STYK1: variants seen among roughly 807,000 people sequenced by gnomAD.
The protein encoded by STYK1 is STY kinase 1, also known as tyrosine-protein kinase STYK1.
In STYK1, 46 loss-of-function variants were observed where a neutral mutation model predicts 48.1. That is an observed-to-expected ratio of 0.96 (90% CI 0.75 to 1.22). The LOEUF is 1.22. Among genes scored for constraint, STYK1 ranks in the 50% most tolerant of loss-of-function variants. STYK1 has a pLI of 0.00. For missense variants in STYK1, 527 were observed against 521.1 expected (o/e 1.01, Z -0.11); for synonymous variants, 188 against 189.0 (o/e 0.99, Z 0.04).
intron 1 of STYK1, among the ~76,000 whole-genome samples, chr12:10,638,589 C>G (rs1423468780): frequency 1.3e-5 from 2 of 152,174 alleles, no homozygotes; most frequent in Non-Finnish European, 2.9e-5. Context: ...ATTTAGGCAT[C>G]TATTTTAATT....
rs560029205 is a variant in STYK1, at chr12:10,645,606, A to G, written c.-194-8410T>C. Among the ~76,000 whole-genome samples, 10 of 152,346 alleles carry G rather than the reference A, an allele frequency of 6.6e-5. No homozygotes were observed. The South Asian group carries it at 2.1e-3, about 32-fold the overall frequency. ...ACATAAGTATCCCAGAAAAAGAGAC[A>G]CATATTTAGGACTTTAATATAAAGA... On this transcript the variant is annotated intron_variant, in intron 1 of 10. Coordinates refer to ENST00000075503, the MANE Select transcript of STYK1 (RefSeq NM_018423.3).
At chr12:10,652,158 G>T (rs1249502584) in intron 1 of STYK1, among the ~76,000 whole-genome samples, 1 of 152,110 alleles carries the variant, frequency 6.6e-6, no homozygotes, top group Non-Finnish European at 1.5e-5. Flanking sequence ...TTAAACTCTT[G>T]TTATCTCCTT....
chr12:10,626,867 C>T (rs1465141365), intron 7 of STYK1, among the ~76,000 whole-genome samples: 1 of 151,954 alleles, frequency 6.6e-6, no homozygotes, highest in Non-Finnish European at 1.5e-5. Flanking sequence ...ATTAGCCGGG[C>T]GTGGTGGTGG....
intron 1 of STYK1, among the ~76,000 whole-genome samples, chr12:10,660,870 C>T (rs1947769623): frequency 6.6e-6 from 1 of 152,110 alleles, no homozygotes; most frequent in South Asian, 2.1e-4. Context: ...CCATCCCTTT[C>T]CCTGAAAACT....
In STYK1 at chr12:10,627,635, T is replaced by A. The variant is rs760807351; in HGVS notation, c.717+6A>T. 19 of 1,611,902 alleles carry A rather than the reference T, an allele frequency of 1.2e-5. No homozygotes were observed. In the South Asian group the frequency reaches 2.0e-4, roughly 17 times the overall value. On this transcript the variant is annotated splice_donor_region_variant and intron_variant, in intron 7 of 10. Coordinates refer to ENST00000075503, the MANE Select transcript of STYK1 (RefSeq NM_018423.3). ...CACCATCAGTTGTCATGTTGCCTCA[T>A]CTTACCAGCGCCAAAAGGACCTGCT...
intron 2 of STYK1, among the ~76,000 whole-genome samples, chr12:10,636,248 C>T (rs553634064): frequency 6.6e-6 from 1 of 152,308 alleles, no homozygotes; most frequent in South Asian, 2.1e-4. Flanking sequence ...CTTCCTGGAG[C>T]ACCATGAACT....
intron 1 of STYK1, among the ~76,000 whole-genome samples, chr12:10,668,890 C>T (rs956120787): frequency 3.3e-5 from 5 of 152,150 alleles, no homozygotes; most frequent in African/African-American, 1.2e-4. Context: ...TTAGGTCCCT[C>T]ATTAGCCCAG....
Position 10,631,035 on chromosome 12 carries a change from C to T in STYK1, c.451+10G>A. 2 of 1,611,506 alleles carry T rather than the reference C, an allele frequency of 1.2e-6. No homozygotes were observed. The highest frequency in any genetic ancestry group is 1.7e-6 in the Non-Finnish European group (2 of 1,178,264). On this transcript the variant is annotated intron_variant, in intron 5 of 10. Transcript: ENST00000075503. ...TAGGGGAAGGGGGAGTCAAACACTT[C>T]TTGTTTTACCTTTTAAAGCCTTGAG...
chr12:10,619,003 G>T lies in STYK1; in HGVS notation c.*1141C>A, dbSNP rs993916546. 1 of 152,206 alleles carries T rather than the reference G, an allele frequency of 6.6e-6. No homozygotes were observed. Among genetic ancestry groups the T allele is most frequent in the Non-Finnish European group, 1.5e-5 (1 of 68,006 alleles). The allele number at this position is 152,206 out of a possible 1,614,324, so 9.4% of individuals were successfully genotyped here. ...TAGTGTACAAATACATACTCAAAACGTATCAATCCTCAGAACAACCTTGTG... is the reference window on the plus strand; with the variant it reads ...TAGTGTACAAATACATACTCAAAACTTATCAATCCTCAGAACAACCTTGTG... On this transcript the variant is annotated 3_prime_UTR_variant, in exon 11 of 11. Coordinates refer to ENST00000075503, the MANE Select transcript of STYK1 (RefSeq NM_018423.3).
chr12:10,630,215 A>T (rs372569090), intron 5 of STYK1, among the ~76,000 whole-genome samples: 18 of 129,892 alleles, frequency 1.4e-4, no homozygotes, highest in Admixed American at 1.3e-3. Flanking sequence ...GTGAAACCCC[A>T]TTTCTACTAA....
chr12:10,666,405 C>T (rs1355962581), intron 1 of STYK1, among the ~76,000 whole-genome samples: 1 of 152,186 alleles, frequency 6.6e-6, no homozygotes, highest in Non-Finnish European at 1.5e-5. Flanking sequence ...ATAATACTGT[C>T]TCCTAAAGTT....
intron 10 of STYK1, among the ~76,000 whole-genome samples, 169 bp from the exon 11 acceptor site, chr12:10,620,517 T>C (rs1865890761): frequency 1.3e-5 from 2 of 152,234 alleles, no homozygotes. Flanking sequence ...TCAATCTTTT[T>C]ATATCAAGTC....
At chr12:10,637,262 T>A (rs887880572) in intron 1 of STYK1, 66 bp from the exon 2 acceptor site, 1 of 152,082 alleles carries the variant, frequency 6.6e-6, no homozygotes, top group African/African-American at 2.4e-5. Context: ...TCCATATGTG[T>A]ATACAATAAA....
intron 1 of STYK1, among the ~76,000 whole-genome samples, chr12:10,649,509 T>C (rs1947636679): frequency 6.6e-6 from 1 of 152,152 alleles, no homozygotes; most frequent in Non-Finnish European, 1.5e-5. Flanking sequence ...ACAATGAAAT[T>C]GACTGGGAAA....
chr12:10,651,453 A>G (rs1297661164), intron 1 of STYK1, among the ~76,000 whole-genome samples: 1 of 152,182 alleles, frequency 6.6e-6, no homozygotes, highest in East Asian at 1.9e-4. Flanking sequence ...CTCATCTGTA[A>G]ATTGGGTTTG....
At position 10,658,080 on chromosome 12, in the gene STYK1, T is replaced by C. The variant is rs549544155; in HGVS notation, c.-195+15886A>G. On this transcript the variant is annotated intron_variant, in intron 1 of 10. Transcript: ENST00000075503. ...AATTAATCTTGTGAAGGAAATTCTG[T>C]GTGAACATATCGGCTAAAGTTAAAG... is the stretch of plus-strand genomic sequence containing the variant. 2.6e-5 allele frequency among the ~76,000 whole-genome samples: 4 copies of C among 152,360 alleles called. No homozygotes were observed. In the South Asian group the frequency reaches 8.3e-4, roughly 32 times the overall value.
At chr12:10,623,590 G>A (rs913973341) in intron 8 of STYK1, among the ~76,000 whole-genome samples, 7 of 152,064 alleles carry the variant, frequency 4.6e-5, no homozygotes, top group Admixed American at 4.6e-4. Flanking sequence ...TTCAAACAAA[G>A]TTTGAAGGAA....
At chr12:10,629,747 G>A (rs2120633072) in intron 5 of STYK1, 73 bp from the exon 6 acceptor site, 1 of 1,568,684 alleles carries the variant, frequency 6.4e-7, no homozygotes, top group East Asian at 2.2e-5. Context: ...GGAGCAGGAG[G>A]CAACTTAAGA....
At chr12:10,634,747 C>T in intron 2 of STYK1, 61 bp from the exon 3 acceptor site, 1 of 1,090,350 alleles carries the variant, frequency 9.2e-7, no homozygotes, top group Non-Finnish European at 1.3e-6. Flanking sequence ...ATGAAGTACA[C>T]ACAGAATTTT....
Sources: allele counts gnomAD v4.1 joint callset (sites outside exome capture counted in the v4.1 genomes callset), GRCh38; gene constraint gnomAD v4.1.1; transcripts MANE v1.5; gene names NCBI Gene and HGNC (gene_info 2026-07-23, HGNC 2026-07-21).